The following NBAS variants were observed in gnomAD, a reference collection of about 807,000 sequenced individuals.
NBAS encodes the protein NBAS subunit of NRZ tethering complex.
NBAS carries 219 observed loss-of-function variants against 302.5 expected under a neutral mutation model. That is an observed-to-expected ratio of 0.72 (90% CI 0.65 to 0.81). The LOEUF (loss-of-function observed/expected upper bound fraction) is 0.81. Among genes scored for constraint, NBAS ranks in the 30% least tolerant of loss-of-function variants. NBAS has a pLI of 0.00. For missense variants in NBAS, 2,932 were observed against 2,841.6 expected, an observed-to-expected ratio of 1.03 and a Z score of -0.72; for synonymous variants, 1,118 against 1,021.6, an observed-to-expected ratio of 1.09 and a Z score of -1.80.
chr2:15,190,158 A>C (rs1277141497), intron 49 of NBAS, 106 bp downstream of exon 49: 2 of 1,292,240 alleles, frequency 1.5e-6, no homozygotes, highest in Non-Finnish European at 2.2e-6. Context: ...GACTACGCAC[A>C]CACATATAAT....
At chr2:14,918,523 G>T in the NBAS span, among the ~76,000 whole-genome samples, 1 of 152,194 alleles carries the variant, frequency 6.6e-6, no homozygotes, top group South Asian at 2.1e-4. Context: ...ATTGTACAGA[G>T]GCAAGGAGAA....
the NBAS span, among the ~76,000 whole-genome samples, chr2:15,107,370 A>T: frequency 1.3e-5 from 2 of 152,090 alleles, no homozygotes; most frequent in Non-Finnish European, 2.9e-5. Flanking sequence ...CAGCTTCCAG[A>T]CTGTGAGGAA....
chr2:15,179,354 A>G (rs141921586), intron 50 of NBAS: 39 of 534,984 alleles, frequency 7.3e-5, no homozygotes, highest in Middle Eastern at 5.2e-4. Context: ...ATTGCTTTTT[A>G]ATGGCTTTGT....
chr2:15,053,705 A>T, the NBAS span, among the ~76,000 whole-genome samples: 2,041 of 152,124 alleles, frequency 0.013, 41 homozygotes, highest in African/African-American at 0.046. Context: ...GGGCACGTCC[A>T]TGTGGAAAAA....
intron 42 of NBAS, among the ~76,000 whole-genome samples, chr2:15,286,867 A>C (rs1471681969): frequency 2.6e-5 from 4 of 152,328 alleles, no homozygotes; most frequent in Non-Finnish European, 5.9e-5. Context: ...GTACACAAAA[A>C]ATTTTCAGTA....
At chr2:15,168,674 G>A (rs1444714130) in intron 51 of NBAS, among the ~76,000 whole-genome samples, 1 of 152,190 alleles carries the variant, frequency 6.6e-6, no homozygotes, top group Non-Finnish European at 1.5e-5. Flanking sequence ...TTGTTGCCCA[G>A]GCTAGAGTGC....
At chr2:15,384,291 G>A (rs1442778116) in intron 28 of NBAS, among the ~76,000 whole-genome samples, 2 of 152,178 alleles carry the variant, frequency 1.3e-5, no homozygotes, top group Admixed American at 1.3e-4. Context: ...GTGTGATTGT[G>A]AGCAAGTCAT....
chr2:14,912,239 G>A, the NBAS span, among the ~76,000 whole-genome samples: 1 of 152,102 alleles, frequency 6.6e-6, no homozygotes, highest in Non-Finnish European at 1.5e-5. Context: ...GTTACTAGGT[G>A]GAACATGACT....
In NBAS at chr2:15,213,411, G is replaced by A. The variant is rs111312731; in HGVS notation, c.6432+5362C>T. Among the ~76,000 whole-genome samples, 623 of 152,296 alleles carry A rather than the reference G, an allele frequency of 4.1e-3. 4 individuals carry two copies. Among genetic ancestry groups the A allele is most frequent in the African/African-American group, 0.014 (592 of 41,568 alleles). ...AGACGTGACAAATGTAAAAGATGAA[G>A]CAATGTTTTCTATTCTGTCAAACCC... On this transcript the variant is annotated intron_variant, in intron 48 of 51. Transcript: ENST00000281513.
the NBAS span, among the ~76,000 whole-genome samples, chr2:14,956,669 T>C: frequency 6.6e-6 from 1 of 151,976 alleles, no homozygotes; most frequent in Non-Finnish European, 1.5e-5. Flanking sequence ...AGAAGGAGTG[T>C]CAAGCAAAGG....
chr2:15,290,131 A>G (rs1181896560), intron 41 of NBAS, among the ~76,000 whole-genome samples: 2 of 150,924 alleles, frequency 1.3e-5, no homozygotes, highest in South Asian at 2.1e-4. Context: ...GAGAGGAGAG[A>G]GAAGAGAAGA....
chr2:14,895,598 G>C, the NBAS span, among the ~76,000 whole-genome samples: 1 of 152,160 alleles, frequency 6.6e-6, no homozygotes, highest in African/African-American at 2.4e-5. Context: ...AATTAGCCGG[G>C]TGTGGTAGCG....
chr2:14,801,506 T>A, the NBAS span, among the ~76,000 whole-genome samples: 1 of 152,190 alleles, frequency 6.6e-6, no homozygotes, highest in Non-Finnish European at 1.5e-5. Context: ...TGTGTTTTTT[T>A]ATTCTATCTT....
chr2:15,072,428 T>C, the NBAS span, among the ~76,000 whole-genome samples: 1 of 152,224 alleles, frequency 6.6e-6, no homozygotes, highest in Non-Finnish European at 1.5e-5. Flanking sequence ...CATATCACTA[T>C]AAATATTTTC....
At chr2:14,883,449 AAGAT>A in the NBAS span, among the ~76,000 whole-genome samples, 4 of 152,204 alleles carry the variant, frequency 2.6e-5, no homozygotes, top group African/African-American at 9.7e-5. Flanking sequence ...AAAATTTCTC[AAGAT>A]AGATACTTAG....
chr2:15,158,766 G>A, the NBAS span, among the ~76,000 whole-genome samples: 1 of 152,150 alleles, frequency 6.6e-6, no homozygotes. Context: ...GCTCCAGGTG[G>A]CCATGTGCCC....
intron 42 of NBAS, among the ~76,000 whole-genome samples, chr2:15,286,055 G>A (rs896485844): frequency 2.0e-5 from 3 of 152,156 alleles, no homozygotes; most frequent in Non-Finnish European, 4.4e-5. Context: ...AAGTGAACAA[G>A]GAAGAACCTA....
At chr2:15,318,967 A>C (rs1339931118) in intron 38 of NBAS, among the ~76,000 whole-genome samples, 2 of 152,142 alleles carry the variant, frequency 1.3e-5, no homozygotes, top group African/African-American at 4.8e-5. Context: ...ACCACATCAC[A>C]CCTATTCTAA....
chr2:15,009,033 A>G, the NBAS span, among the ~76,000 whole-genome samples: 7 of 152,226 alleles, frequency 4.6e-5, no homozygotes, highest in African/African-American at 1.7e-4. Context: ...TCTGGGTCTC[A>G]TTCAGGTTTG....
Sources: gnomAD v4.1 joint callset for allele counts (sites outside exome capture counted in the v4.1 genomes callset) on GRCh38, gnomAD v4.1.1 for gene constraint, MANE v1.5 for transcripts, NCBI Gene and HGNC (gene_info 2026-07-23, HGNC 2026-07-21) for gene names.